The following LFNG variants were observed in gnomAD, a reference collection of about 807,000 sequenced individuals.
LFNG encodes LFNG O-fucosylpeptide 3-beta-N-acetylglucosaminyltransferase.
LFNG carries 15 observed loss-of-function variants against 32.7 expected under a neutral mutation model. That is an observed-to-expected ratio of 0.46 (90% confidence interval 0.31 to 0.71). The LOEUF (loss-of-function observed/expected upper bound fraction) is 0.71, where lower values mean the gene tolerates loss of function less well. LFNG is among the 30% of genes least tolerant of loss of function. LFNG has a pLI of 0.06. For synonymous variants in LFNG, 274 were observed against 246.8 expected, an observed-to-expected ratio of 1.11 and a Z score of -1.03; for missense variants, 520 against 545.7, an observed-to-expected ratio of 0.95 and a Z score of 0.47.
Position 2,527,369 on chromosome 7 carries a change from G to A in LFNG, c.*157G>A, listed in dbSNP as rs952004053. On this transcript the variant is annotated 3_prime_UTR_variant, in exon 8 of 8. Transcript: ENST00000222725. The surrounding 1 kb of genome is among the most constrained non-coding windows in gnomAD (Gnocchi z 4.4). ...GTGTGTGTGTACTGCATGCCCACCC[G>A]GGTAGCAGGCTGCTGGGCAGTTCTG... The A allele has an allele frequency of 1.3e-5, 19 of 1,506,302 alleles. No homozygotes were observed. The highest frequency in any genetic ancestry group is 2.8e-5 in the African/African-American group (2 of 72,594). The allele number at this position is 1,506,302 out of a possible 1,614,324, so 93.3% of individuals were successfully genotyped here. A position where few individuals can be genotyped will look rare whatever the true frequency, so the allele number is the denominator to read the frequency against.
chr7:2,513,106 G>A, upstream of LFNG: 4 of 1,594,920 alleles, frequency 2.5e-6, no homozygotes, highest in Non-Finnish European at 3.4e-6. Context: ...CCTTTGGGCT[G>A]GACCCATTTT....
chr7:2,527,303 C>T lies in LFNG; in HGVS notation c.*91C>T, dbSNP rs1485684686. The T allele has an allele frequency of 3.1e-5, 48 of 1,565,136 alleles. No individual in the cohort carries two copies. Among genetic ancestry groups the T allele is most frequent in the Non-Finnish European group, 3.7e-5 (43 of 1,163,188 alleles). Reference sequence around the variant, plus strand: ...GCTGCCCTGGCCTCGGCATTCGAGGCTCCCCTAGGGCCGTGCCTGTGCGTG... The same window carrying T: ...GCTGCCCTGGCCTCGGCATTCGAGGTTCCCCTAGGGCCGTGCCTGTGCGTG... On this transcript the variant is annotated 3_prime_UTR_variant, in exon 8 of 8. Transcript: ENST00000222725. This position sits in a 1 kb window ranked among gnomAD's most constrained non-coding sequence, Gnocchi z 4.4.
upstream of LFNG, among the ~76,000 whole-genome samples, chr7:2,519,145 G>A (rs1779703832): frequency 6.6e-6 from 1 of 152,168 alleles, no homozygotes; most frequent in African/African-American, 2.4e-5. Flanking sequence ...AAATCAGCCA[G>A]GGAGGAAGGA....
intron 1 of LFNG, among the ~76,000 whole-genome samples, chr7:2,522,001 CA>C (rs1258369280): frequency 1.3e-5 from 2 of 152,168 alleles, no homozygotes; most frequent in African/African-American, 4.8e-5. Context: ...CAGCACACAG[CA>C]AGCAAAGACC....
At position 2,527,126 on chromosome 7, in the gene LFNG, C is replaced by T. The variant is rs1246945847; in HGVS notation, c.1074-20C>T. 6 of 1,607,736 alleles carry T rather than the reference C, an allele frequency of 3.7e-6. No individual in the cohort carries two copies. The highest frequency in any genetic ancestry group is 3.4e-6 in the Non-Finnish European group (4 of 1,175,852). On this transcript the variant is annotated intron_variant, in intron 7 of 7. Coordinates refer to ENST00000222725, the MANE Select transcript of LFNG (RefSeq NM_001040167.2). The surrounding 1 kb of genome is among the most constrained non-coding windows in gnomAD (Gnocchi z 4.4). ...CCTGCCTGCCACCCACGCAGACCAG[C>T]CCCTGCTCTGTTCCCACAGGTTCCG...
At chr7:2,523,981 C>T (rs1487657966) in intron 1 of LFNG, among the ~76,000 whole-genome samples, 3 of 152,148 alleles carry the variant, frequency 2.0e-5, no homozygotes, top group South Asian at 2.1e-4. Context: ...ACCCTACGCG[C>T]GGGACCTCAT....
chr7:2,524,945 C>T (rs1189534402), intron 2 of LFNG, among the ~76,000 whole-genome samples: 1 of 152,240 alleles, frequency 6.6e-6, no homozygotes, highest in African/African-American at 2.4e-5. Context: ...ATTCAGCCCC[C>T]CGGGTCCCTT....
chr7:2,525,480 C>T lies in LFNG; in HGVS notation c.648C>T (p.Ser216=). The T allele has an allele frequency of 6.2e-7, 1 of 1,612,516 alleles. No homozygotes were observed. The highest frequency in any genetic ancestry group is 1.1e-5 in the South Asian group (1 of 91,074). ...GGGCCCTGCTGCGGCTGCTGGCCAG[C>T]TACCCGCACACGCGGGACGTCTACG... ...NLRALLRLLA[S]YPHTRDVYVG... Residue 216 remains serine (S), a synonymous_variant, in exon 4 of 8, where the codon AGC becomes AGT. Coordinates refer to ENST00000222725, the MANE Select transcript of LFNG (RefSeq NM_001040167.2).
upstream of LFNG, chr7:2,513,352 A>C (rs286560): frequency 0.34 from 531,241 of 1,564,848 alleles, 93,536 homozygotes; most frequent in South Asian, 0.45. Flanking sequence ...TCCTGGGGAC[A>C]TAACCTCCCC....
chr7:2,518,463 G>T (rs536120969), upstream of LFNG: 36 of 816,358 alleles, frequency 4.4e-5, no homozygotes, highest in Admixed American at 1.7e-4. Flanking sequence ...CGTCCTTAGC[G>T]GGGGGAGAGG....
In LFNG at chr7:2,527,065, C is replaced by T. The variant is rs950260536; in HGVS notation, c.1074-81C>T. 1.3e-5 allele frequency: 20 copies of T among 1,484,180 alleles called. No homozygotes were observed. Among genetic ancestry groups the T allele is most frequent in the African/African-American group, 8.3e-5 (6 of 72,024 alleles). 91.9% of individuals were successfully genotyped at this position (1,484,180 alleles called of 1,614,324 possible). A position where few individuals can be genotyped will look rare whatever the true frequency, so the allele number is the denominator to read the frequency against. On this transcript the variant is annotated intron_variant, in intron 7 of 7. Transcript: ENST00000222725. The surrounding 1 kb of genome is among the most constrained non-coding windows in gnomAD (Gnocchi z 4.4). ...GAGTCCTGCTTGCTCGGGGTGGGGC[C>T]GCCAGTGTTGTGGGACTGCAAATGG...
downstream of LFNG, chr7:2,529,084 CG>C (rs1780079769): frequency 1.5e-5 from 6 of 393,890 alleles, no homozygotes; most frequent in Non-Finnish European, 2.3e-5. This position sits in a 1 kb window ranked among gnomAD's most constrained non-coding sequence, Gnocchi z 4.2. Context: ...GGAGCAGTGC[CG>C]GAGCCCCCAC....
chr7:2,521,714 C>T (rs542060245), intron 1 of LFNG, among the ~76,000 whole-genome samples: 88 of 152,332 alleles, frequency 5.8e-4, no homozygotes, highest in Middle Eastern at 3.4e-3. Context: ...GAATTTGGGG[C>T]CTTTCTCCAA....
chr7:2,512,588 A>G (rs1035231909), exon 1 of LFNG: 1 of 1,438,580 alleles, frequency 7.0e-7, no homozygotes, highest in Non-Finnish European at 9.8e-7. Flanking sequence ...GACAGAGGCC[A>G]AGGCGGCTCC....
At chr7:2,518,580 G>A (rs143245520), upstream of LFNG, 10 of 1,598,260 alleles carry the variant, frequency 6.3e-6, no homozygotes, top group African/African-American at 6.7e-5. Context: ...GCTGTCTTGC[G>A]GCTGACATTC....
chr7:2,522,784 C>T (rs1373124409), intron 1 of LFNG, among the ~76,000 whole-genome samples: 2 of 152,206 alleles, frequency 1.3e-5, no homozygotes, highest in Admixed American at 6.5e-5. Flanking sequence ...CTGGTAATGG[C>T]ACCCACCTCC....
Position 2,527,420 on chromosome 7 carries a change from C to T in LFNG, c.*208C>T. On this transcript the variant is annotated 3_prime_UTR_variant, in exon 8 of 8. Coordinates refer to ENST00000222725, the MANE Select transcript of LFNG (RefSeq NM_001040167.2). This position sits in a 1 kb window ranked among gnomAD's most constrained non-coding sequence, Gnocchi z 4.4. ...CTCTGTGGAGGGGCGGGCACCAGCG[C>T]CACTTATGTGCCTCTGCTCCGAGGG... The T allele has an allele frequency of 6.9e-7, 1 of 1,457,674 alleles. No homozygotes were observed. The highest frequency in any genetic ancestry group is 9.1e-7 in the Non-Finnish European group (1 of 1,104,466). 90.3% of individuals were successfully genotyped at this position (1,457,674 alleles called of 1,614,324 possible).
upstream of LFNG, chr7:2,513,454 A>AT: frequency 8.9e-7 from 1 of 1,123,678 alleles, no homozygotes; most frequent in Non-Finnish European, 1.2e-6. Flanking sequence ...CATGGTAGCG[A>AT]TGGGGAGCCT....
chr7:2,518,736 C>A, upstream of LFNG: 1 of 1,203,430 alleles, frequency 8.3e-7, no homozygotes, highest in Non-Finnish European at 1.1e-6. Context: ...CTTAGGAGGG[C>A]ACGGGAAGAC....
Sources: gnomAD v4.1 joint callset for allele counts (sites outside exome capture counted in the v4.1 genomes callset) on GRCh38, gnomAD v4.1.1 for gene constraint, Gnocchi (gnomAD v3.1) non-coding constraint, MANE v1.5 for transcripts, NCBI Gene and HGNC (gene_info 2026-07-23, HGNC 2026-07-21) for gene names.